Variants in IL22RA2 observed in about 807,000 individuals in gnomAD.
IL22RA2 encodes interleukin 22 receptor subunit alpha 2.
A neutral mutation model predicts 30.7 loss-of-function variants in IL22RA2; 39 were observed. The ratio of observed to expected loss-of-function variants is 1.27; its 90% CI spans 0.98 to 1.66. IL22RA2 has a LOEUF of 1.66. IL22RA2 is among the 40% of genes most tolerant of loss of function. The pLI is 0.00. For synonymous variants in IL22RA2, 103 were observed against 105.0 expected, an observed-to-expected ratio of 0.98 and a Z score of 0.11; for missense variants, 315 against 312.7, an observed-to-expected ratio of 1.01 and a Z score of -0.05.
chr6:137,161,661 A>C (rs1158949931), intron 2 of IL22RA2, 28 bp downstream of exon 2: 9 of 1,583,276 alleles, frequency 5.7e-6, no homozygotes, highest in Non-Finnish European at 6.9e-6. Context: ...CAAAGCTATG[A>C]GCAATTAAAA....
intron 1 of IL22RA2, among the ~76,000 whole-genome samples, chr6:137,169,768 T>A (rs941323743): frequency 6.6e-6 from 1 of 152,190 alleles, no homozygotes; most frequent in Non-Finnish European, 1.5e-5. Context: ...GCAACCCAGA[T>A]GAGAGATGCC....
intron 5 of IL22RA2, among the ~76,000 whole-genome samples, chr6:137,153,660 T>C (rs1371437315): frequency 8.5e-5 from 13 of 152,102 alleles, no homozygotes; most frequent in Admixed American, 2.0e-4. Flanking sequence ...GAAAATGAGG[T>C]TCTTATATTG....
rs1000698471 is a variant in IL22RA2 at position 137,149,590 on chromosome 6, C to T, written c.473-1699G>A. ...TCTAGTCCTTTTCATAAGCCAAATTCGGTCTCCTGTAGACTATTATTAGTA... is the reference window on the plus strand; with the variant it reads ...TCTAGTCCTTTTCATAAGCCAAATTTGGTCTCCTGTAGACTATTATTAGTA... On this transcript the variant is annotated intron_variant, in intron 5 of 6. Coordinates refer to ENST00000296980, the MANE Select transcript of IL22RA2 (RefSeq NM_052962.3). Among the ~76,000 whole-genome samples, 3 of 152,198 alleles carry T rather than the reference C, an allele frequency of 2.0e-5. No individual in the cohort carries two copies. The South Asian group carries it at 6.2e-4, about 32-fold the overall frequency.
chr6:137,162,229 G>T (rs987989187), intron 1 of IL22RA2, among the ~76,000 whole-genome samples: 2 of 152,188 alleles, frequency 1.3e-5, no homozygotes, highest in African/African-American at 4.8e-5. Context: ...AGCTATCGGG[G>T]CCCCTGGCAG....
intron 5 of IL22RA2, 57 bp downstream of exon 5, chr6:137,154,884 C>T (rs567370973): frequency 8.0e-5 from 120 of 1,498,648 alleles, no homozygotes; most frequent in East Asian, 7.9e-4. Context: ...AGCCGTGCTC[C>T]GGGAGGGCTG....
At chr6:137,165,189 A>G (rs1030978704) in intron 1 of IL22RA2, among the ~76,000 whole-genome samples, 2 of 152,208 alleles carry the variant, frequency 1.3e-5, no homozygotes, top group African/African-American at 4.8e-5. Flanking sequence ...AACGCTGGAG[A>G]GAAAAAGGCC....
At chr6:137,171,370 G>A (rs112229203) in intron 1 of IL22RA2, among the ~76,000 whole-genome samples, 5 of 152,222 alleles carry the variant, frequency 3.3e-5, no homozygotes, top group South Asian at 2.1e-4. Context: ...TTCAGAAGCC[G>A]GCTTGCAAAG....
intron 5 of IL22RA2, among the ~76,000 whole-genome samples, chr6:137,149,718 T>C (rs929027688): frequency 3.9e-5 from 6 of 152,236 alleles, no homozygotes; most frequent in Admixed American, 6.5e-5. Flanking sequence ...AATAAAATTA[T>C]GTTTTTCTGG....
chr6:137,152,358 G>A (rs1778308194), intron 5 of IL22RA2, among the ~76,000 whole-genome samples: 1 of 152,126 alleles, frequency 6.6e-6, no homozygotes, highest in Admixed American at 6.6e-5. Flanking sequence ...ATAATATGTG[G>A]TATATCCATA....
At chr6:137,171,802 G>A (rs1234756213) in intron 1 of IL22RA2, among the ~76,000 whole-genome samples, 4 of 152,298 alleles carry the variant, frequency 2.6e-5, no homozygotes, top group African/African-American at 4.8e-5. Flanking sequence ...GGGCAGTTGC[G>A]CTGCATGCTT....
intron 3 of IL22RA2, 136 bp from the exon 4 acceptor site, chr6:137,156,990 T>G: frequency 8.1e-7 from 1 of 1,230,798 alleles, no homozygotes; most frequent in South Asian, 1.5e-5. Context: ...CTCACTCAAC[T>G]GCAGCAATAA....
chr6:137,166,464 C>A (rs981290370), intron 1 of IL22RA2, among the ~76,000 whole-genome samples: 18 of 152,174 alleles, frequency 1.2e-4, no homozygotes, highest in African/African-American at 4.3e-4. Context: ...AGCAGTCATC[C>A]ATTGCAAAGG....
At chr6:137,156,270 T>C (rs1246871013) in intron 4 of IL22RA2, among the ~76,000 whole-genome samples, 1 of 152,120 alleles carries the variant, frequency 6.6e-6, no homozygotes, top group Non-Finnish European at 1.5e-5. Flanking sequence ...AGAGAAGGAA[T>C]TGGAGTCTGG....
chr6:137,151,655 G>T (rs1332077097), intron 5 of IL22RA2, among the ~76,000 whole-genome samples: 4 of 152,294 alleles, frequency 2.6e-5, no homozygotes, highest in Admixed American at 2.6e-4. Context: ...TCATATATCT[G>T]ATAAGGCATT....
At chr6:137,163,589 A>G (rs1778568572) in intron 1 of IL22RA2, among the ~76,000 whole-genome samples, 1 of 152,212 alleles carries the variant, frequency 6.6e-6, no homozygotes, top group Non-Finnish European at 1.5e-5. Context: ...GCATAGACAT[A>G]TGAACTGCAG....
At chr6:137,160,593 C>T (rs962299776) in intron 2 of IL22RA2, among the ~76,000 whole-genome samples, 1 of 152,214 alleles carries the variant, frequency 6.6e-6, no homozygotes, top group Non-Finnish European at 1.5e-5. Context: ...CTTCCCTCCT[C>T]CTCCTCCTTC....
chr6:137,152,214 C>CA (rs1454192691), intron 5 of IL22RA2, among the ~76,000 whole-genome samples: 1 of 148,900 alleles, frequency 6.7e-6, no homozygotes, highest in African/African-American at 2.5e-5. Flanking sequence ...TCCTGTCTCT[C>CA]AAAAAAACAA....
intron 2 of IL22RA2, among the ~76,000 whole-genome samples, chr6:137,159,130 T>A (rs549866558): frequency 9.8e-5 from 15 of 152,324 alleles, no homozygotes; most frequent in African/African-American, 3.4e-4. Flanking sequence ...TTTCTGAGAC[T>A]AATCATGGCA....
At chr6:137,163,947 G>A (rs1161923391) in intron 1 of IL22RA2, among the ~76,000 whole-genome samples, 2 of 152,106 alleles carry the variant, frequency 1.3e-5, no homozygotes, top group Admixed American at 6.5e-5. Flanking sequence ...CACTGCATAC[G>A]GCCCAGAGGA....
Sources: gnomAD v4.1 joint callset for allele counts (sites outside exome capture counted in the v4.1 genomes callset) on GRCh38, gnomAD v4.1.1 for gene constraint, MANE v1.5 for transcripts, NCBI Gene and HGNC (gene_info 2026-07-23, HGNC 2026-07-21) for gene names.